Variants in ARHGAP6 observed in about 807,000 individuals in gnomAD.
The protein encoded by ARHGAP6 is Rho GTPase activating protein 6.
In ARHGAP6, 16 loss-of-function variants were observed where a neutral mutation model predicts 55.7. The observed-to-expected ratio is 0.29, with a 90% confidence interval of 0.19 to 0.44. ARHGAP6 has a LOEUF of 0.44. ARHGAP6 is among the 20% of genes least tolerant of loss of function. The probability of loss-of-function intolerance (pLI) is 1.00; values close to 1 mark genes in which losing one functional copy is unlikely to be tolerated. For missense variants in ARHGAP6, 698 were observed against 808.9 expected, an observed-to-expected ratio of 0.86 and a Z score of 1.66; for synonymous variants, 382 against 360.9, an observed-to-expected ratio of 1.06 and a Z score of -0.66.
chrX:11,600,474 C>T (rs943050491), intron 1 of ARHGAP6, among the ~76,000 whole-genome samples: 16 of 112,238 alleles, frequency 1.4e-4, no homozygotes, highest in Middle Eastern at 4.2e-3. Context: ...TCACCCTCGA[C>T]CTCCACCTTG....
intron 1 of ARHGAP6, among the ~76,000 whole-genome samples, chrX:11,658,402 C>T (rs2052661774): frequency 9.0e-6 from 1 of 111,302 alleles, no homozygotes; most frequent in African/African-American, 3.3e-5. Flanking sequence ...TTTTTCCTAA[C>T]TTAAAAAAAC....
chrX:11,345,390 TA>T (rs903517095), intron 1 of ARHGAP6, among the ~76,000 whole-genome samples: 31 of 112,438 alleles, frequency 2.8e-4, no homozygotes, highest in Non-Finnish European at 2.6e-4. Flanking sequence ...TTCTTTATTT[TA>T]AAAAAGATAA....
intron 1 of ARHGAP6, among the ~76,000 whole-genome samples, chrX:11,375,117 T>A (rs1231658174): frequency 8.9e-6 from 1 of 112,236 alleles, no homozygotes; most frequent in Non-Finnish European, 1.9e-5. Flanking sequence ...GAATGAAACC[T>A]CCAGAAAGCA....
Position 11,597,095 on chromosome X carries a change from G to A in ARHGAP6, c.588+67146C>T, listed in dbSNP as rs181170673. ...TTTGATTTAAATTATGAGCTTATCT[G>A]TGTTTTTCACAGGCTTAATACAGGG... On this transcript the variant is annotated intron_variant, in intron 1 of 12. Transcript: ENST00000337414. Among the ~76,000 whole-genome samples the A allele has an allele frequency of 1.3e-3, 149 of 111,681 alleles. 2 individuals carry two copies. Among genetic ancestry groups the A allele is most frequent in the Admixed American group, 0.011 (114 of 10,530 alleles).
intron 1 of ARHGAP6, among the ~76,000 whole-genome samples, chrX:11,571,507 A>C (rs966136650): frequency 9.1e-6 from 1 of 109,874 alleles, no homozygotes; most frequent in African/African-American, 3.3e-5. Context: ...AAGGTCCCAA[A>C]TCACTTACCC....
chrX:11,499,476 C>T (rs1569368012), intron 1 of ARHGAP6, among the ~76,000 whole-genome samples: 1 of 111,693 alleles, frequency 9.0e-6, no homozygotes, highest in East Asian at 2.8e-4. Flanking sequence ...TGTATTTCTC[C>T]ACTCCTTTGC....
chrX:11,417,836 A>G (rs1273055339), intron 1 of ARHGAP6, among the ~76,000 whole-genome samples: 1 of 111,807 alleles, frequency 8.9e-6, no homozygotes. Flanking sequence ...TGGCCCTGAA[A>G]CAGACATAAG....
intron 2 of ARHGAP6, among the ~76,000 whole-genome samples, chrX:11,212,183 T>C: frequency 8.9e-6 from 1 of 112,279 alleles, no homozygotes; most frequent in South Asian, 3.7e-4. Flanking sequence ...AATGTTATAG[T>C]TGGATTCCTG....
intron 9 of ARHGAP6, among the ~76,000 whole-genome samples, chrX:11,158,856 CAG>C (rs1224919127): frequency 3.6e-5 from 4 of 112,245 alleles, no homozygotes; most frequent in Admixed American, 1.9e-4. Context: ...ACAAACCAAA[CAG>C]ACAATAATCC....
chrX:11,277,845 CAG>C (rs1436617189), intron 1 of ARHGAP6, among the ~76,000 whole-genome samples: 1 of 111,250 alleles, frequency 9.0e-6, no homozygotes, highest in East Asian at 2.8e-4. Context: ...AAGTACAGTT[CAG>C]AGTTTAGTTC....
chrX:11,354,650 C>A (rs1348224768), intron 1 of ARHGAP6, among the ~76,000 whole-genome samples: 1 of 110,971 alleles, frequency 9.0e-6, no homozygotes, highest in African/African-American at 3.3e-5. Flanking sequence ...AGATAAATTA[C>A]TGATTTCAGC....
intron 1 of ARHGAP6, among the ~76,000 whole-genome samples, chrX:11,389,075 A>AT (rs1465484685): frequency 9.0e-6 from 1 of 111,615 alleles, no homozygotes; most frequent in African/African-American, 3.3e-5. Flanking sequence ...TATTTCAGAC[A>AT]TTTTTTATTG....
chrX:11,235,688 G>T (rs2047189686), intron 2 of ARHGAP6, among the ~76,000 whole-genome samples: 1 of 111,274 alleles, frequency 9.0e-6, no homozygotes, highest in African/African-American at 3.3e-5. Flanking sequence ...CAAGTTCAAA[G>T]TCCCACAGAT....
intron 2 of ARHGAP6, among the ~76,000 whole-genome samples, chrX:11,215,390 A>C (rs2046866891): frequency 8.9e-6 from 1 of 112,969 alleles, no homozygotes; most frequent in African/African-American, 3.2e-5. Flanking sequence ...CGCGGAGTTC[A>C]GGTGTGCGCG....
intron 1 of ARHGAP6, among the ~76,000 whole-genome samples, chrX:11,590,552 G>A (rs1052170474): frequency 5.6e-5 from 6 of 107,852 alleles, no homozygotes; most frequent in Non-Finnish European, 1.1e-4. Flanking sequence ...TTGGAAGGCC[G>A]AGGTGGCTGA....
At position 11,382,883 on chromosome X, in the gene ARHGAP6, G is replaced by A. The variant is rs1194283160; in HGVS notation, c.589-128176C>T. ...ACAACGAGGTCAAAGCAGCTTATAC[G>A]GACATCAAATTTCACTTGGCTTTGT... On this transcript the variant is annotated intron_variant, in intron 1 of 12. Transcript: ENST00000337414. Among the ~76,000 whole-genome samples the A allele has an allele frequency of 2.7e-5, 3 of 112,098 alleles. No individual in the cohort carries two copies. In the East Asian group the frequency reaches 8.4e-4, roughly 31 times the overall value.
At chrX:11,161,787 T>C (rs2045949406) in intron 9 of ARHGAP6, among the ~76,000 whole-genome samples, 1 of 112,281 alleles carries the variant, frequency 8.9e-6, no homozygotes, top group Non-Finnish European at 1.9e-5. Flanking sequence ...AAGCACTCTC[T>C]TCTCTTTTGC....
chrX:11,522,201 C>T (rs770825462), intron 1 of ARHGAP6, among the ~76,000 whole-genome samples: 4 of 111,307 alleles, frequency 3.6e-5, no homozygotes, highest in African/African-American at 1.3e-4. Flanking sequence ...AACAAAGACA[C>T]AACATAGCGG....
intron 1 of ARHGAP6, among the ~76,000 whole-genome samples, chrX:11,319,981 T>C (rs1240133110): frequency 8.9e-6 from 1 of 112,156 alleles, no homozygotes; most frequent in Non-Finnish European, 1.9e-5. Flanking sequence ...GCAGATGTTA[T>C]TCGCGTAACT....
Sources: allele counts gnomAD v4.1 joint callset (sites outside exome capture counted in the v4.1 genomes callset), GRCh38; gene constraint gnomAD v4.1.1; transcripts MANE v1.5; gene names NCBI Gene and HGNC (gene_info 2026-07-23, HGNC 2026-07-21).